Variants in PCDH11Y observed in about 807,000 individuals in gnomAD.
PCDH11Y encodes the protein protocadherin 11 Y-linked, also known as protocadherin-11 Y-linked.
For missense variants in PCDH11Y, 12 were observed against 224.8 expected (o/e 0.05, Z 6.05); for synonymous variants, 9 against 83.6 (o/e 0.11, Z 4.87).
chrY:5,287,690 C>G, intron 2 of PCDH11Y, among the ~76,000 whole-genome samples: 1 of 32,062 alleles, frequency 3.1e-5, no homozygotes, highest in Non-Finnish European at 7.6e-5. Context: ...ACCGCATGTT[C>G]TCACTCATAA....
chrY:5,417,531 C>T, intron 2 of PCDH11Y, among the ~76,000 whole-genome samples: 1 of 32,904 alleles, frequency 3.0e-5, no homozygotes, highest in Admixed American at 2.8e-4. Context: ...GGGTGAAATT[C>T]TGTCACAATA....
intron 1 of PCDH11Y, among the ~76,000 whole-genome samples, chrY:5,005,374 G>A: frequency 6.0e-5 from 2 of 33,568 alleles, no homozygotes; most frequent in Non-Finnish European, 1.5e-4. Context: ...GTATAACTAA[G>A]AAAGAAAAGA....
intron 4 of PCDH11Y, among the ~76,000 whole-genome samples, chrY:5,715,474 T>C: frequency 3.1e-5 from 1 of 32,582 alleles, no homozygotes; most frequent in Non-Finnish European, 7.6e-5. Context: ...GAGAAAATTT[T>C]GACTATGAGG....
chrY:5,147,408 GC>G (rs2052858306), intron 2 of PCDH11Y, among the ~76,000 whole-genome samples: 3 of 30,556 alleles, frequency 9.8e-5, no homozygotes, highest in Non-Finnish European at 2.3e-4. Flanking sequence ...GGGGGGAGCT[GC>G]AAAACTACCA....
chrY:5,619,404 A>G, intron 4 of PCDH11Y, among the ~76,000 whole-genome samples: 1 of 33,285 alleles, frequency 3.0e-5, no homozygotes, highest in Non-Finnish European at 7.4e-5. Flanking sequence ...AAAAGATCAT[A>G]TTTCAGGGAT....
downstream of PCDH11Y, among the ~76,000 whole-genome samples, chrY:5,103,339 G>T: frequency 3.0e-5 from 1 of 32,792 alleles, no homozygotes; most frequent in African/African-American, 1.2e-4. Context: ...CAAAATGAGG[G>T]TTTGGGGAAT....
At chrY:5,156,186 T>C (rs2052869518) in intron 2 of PCDH11Y, among the ~76,000 whole-genome samples, 28 of 30,256 alleles carry the variant, frequency 9.3e-4, no homozygotes, top group Non-Finnish European at 1.8e-3. Flanking sequence ...TGTGTGTGTG[T>C]GTGCGTGCCT....
chrY:5,690,234 C>T, intron 4 of PCDH11Y, among the ~76,000 whole-genome samples: 1 of 33,349 alleles, frequency 3.0e-5, no homozygotes, highest in African/African-American at 1.2e-4. Context: ...ATAGAAATTA[C>T]CTTACATTGT....
At chrY:5,105,572 G>A, downstream of PCDH11Y, 2 of 25,790 alleles carry the variant, frequency 7.8e-5, no homozygotes, top group South Asian at 2.0e-3. Flanking sequence ...AAGTTGCAGT[G>A]AGCCGAGATC....
intron 2 of PCDH11Y, among the ~76,000 whole-genome samples, chrY:5,415,832 G>T: frequency 6.1e-5 from 2 of 32,567 alleles, no homozygotes; most frequent in Non-Finnish European, 1.5e-4. Flanking sequence ...GGATCATGGG[G>T]TCTCCTGCTA....
chrY:5,519,907 C>G, intron 3 of PCDH11Y, among the ~76,000 whole-genome samples: 1 of 23,029 alleles, frequency 4.3e-5, no homozygotes, highest in Non-Finnish European at 9.9e-5. Context: ...TCATATCACC[C>G]TTTATTATTA....
At chrY:5,663,124 G>A (rs2053542303) in intron 4 of PCDH11Y, among the ~76,000 whole-genome samples, 1 of 30,192 alleles carries the variant, frequency 3.3e-5, no homozygotes, top group Non-Finnish European at 7.9e-5. Flanking sequence ...ATATAGACAC[G>A]CTAATATAAC....
intron 1 of PCDH11Y, among the ~76,000 whole-genome samples, chrY:5,028,396 G>A (rs2563629): frequency 3.0e-5 from 1 of 33,714 alleles, no homozygotes; most frequent in Non-Finnish European, 7.3e-5. Flanking sequence ...AGGGAAAGGC[G>A]GTGAAATAAA....
At chrY:5,087,559 C>G (rs2052733167) in intron 1 of PCDH11Y, among the ~76,000 whole-genome samples, 1 of 32,328 alleles carries the variant, frequency 3.1e-5, no homozygotes, top group Non-Finnish European at 7.6e-5. Context: ...CTCTCCTTTC[C>G]CTAAGTAGAA....
chrY:5,306,315 T>C (rs1602901839), intron 2 of PCDH11Y, among the ~76,000 whole-genome samples: 1 of 30,663 alleles, frequency 3.3e-5, no homozygotes, highest in East Asian at 8.6e-4. Flanking sequence ...CACACACACA[T>C]ACAAACATAC....
At chrY:5,151,732 G>T in intron 2 of PCDH11Y, among the ~76,000 whole-genome samples, 2 of 31,716 alleles carry the variant, frequency 6.3e-5, no homozygotes, top group East Asian at 1.7e-3. Context: ...TTTGTAAAAT[G>T]AACAACCTAA....
exon 5 of PCDH11Y, chrY:5,739,035 A>G (rs2053614129): frequency 3.1e-5 from 1 of 32,415 alleles, no homozygotes; most frequent in Non-Finnish European, 7.6e-5. Flanking sequence ...GATTTTTGTT[A>G]TTCTAGCTCA....
chrY:5,360,324 T>G (rs1224165967), intron 2 of PCDH11Y, among the ~76,000 whole-genome samples: 1 of 28,944 alleles, frequency 3.5e-5, no homozygotes, highest in Non-Finnish European at 8.2e-5. Context: ...TACATAGAAG[T>G]GTGTGCGTGT....
intron 2 of PCDH11Y, among the ~76,000 whole-genome samples, chrY:5,348,685 TA>T (rs2053154632): frequency 3.0e-5 from 1 of 33,741 alleles, no homozygotes. Context: ...ATGCTGTGTA[TA>T]ACACTACTAT....
Sources: allele counts gnomAD v4.1 joint callset (sites outside exome capture counted in the v4.1 genomes callset), GRCh38; gene constraint gnomAD v4.1.1; transcripts MANE v1.5; gene names NCBI Gene and HGNC (gene_info 2026-07-23, HGNC 2026-07-21).